DNAH6: variants seen among roughly 807,000 people sequenced by gnomAD.
The protein encoded by DNAH6 is axonemal beta dynein heavy chain 6.
Under a neutral mutation model 491.4 loss-of-function variants are expected in DNAH6, and 340 were observed. The ratio of observed to expected loss-of-function variants is 0.69; its 90% CI spans 0.63 to 0.76. The LOEUF is 0.76. DNAH6 is among the 30% of genes least tolerant of loss of function. DNAH6 has a pLI of 0.00. For synonymous variants in DNAH6, 1,603 were observed against 1,686.1 expected (o/e 0.95, Z 1.21); for missense variants, 4,443 against 4,972.2 (o/e 0.89, Z 3.20).
chr2:84,772,198 A>C (rs549687330), intron 64 of DNAH6, among the ~76,000 whole-genome samples: 34 of 152,142 alleles, frequency 2.2e-4, no homozygotes, highest in Non-Finnish European at 4.4e-4. Context: ...CTATGAAAAC[A>C]ACTAAAAATA....
chr2:84,710,830 T>C (rs565293813), intron 56 of DNAH6, among the ~76,000 whole-genome samples: 79 of 151,924 alleles, frequency 5.2e-4, no homozygotes, highest in African/African-American at 1.7e-3. Flanking sequence ...TTAAGTGAAT[T>C]AGATAAGAAT....
intron 63 of DNAH6, among the ~76,000 whole-genome samples, chr2:84,753,769 A>AAAAAAAAAAAAAAAAAAAAAAAAAT (rs1310144113): frequency 6.6e-6 from 1 of 150,980 alleles, no homozygotes; most frequent in Non-Finnish European, 1.5e-5. Context: ...AAAAAAAAAA[A>AAAAAAAAAAAAAAAAAAAAAAAAAT]AAAAAAAAAA....
intron 5 of DNAH6, among the ~76,000 whole-genome samples, chr2:84,546,077 G>A (rs1472566450): frequency 6.6e-6 from 1 of 151,948 alleles, no homozygotes; most frequent in East Asian, 1.9e-4. Flanking sequence ...ATTTCTTTCT[G>A]ACCTACCTGT....
intron 36 of DNAH6, 120 bp from the exon 37 acceptor site, chr2:84,658,906 T>C: frequency 1.7e-6 from 1 of 595,486 alleles, no homozygotes; most frequent in Non-Finnish European, 2.8e-6. Context: ...AAATATACAC[T>C]GTGCCCATTT....
intron 45 of DNAH6, among the ~76,000 whole-genome samples, chr2:84,690,116 T>C (rs1044450989): frequency 3.3e-5 from 5 of 152,126 alleles, no homozygotes; most frequent in African/African-American, 1.2e-4. Flanking sequence ...ACAGTGAGAG[T>C]AGGATTTCCC....
Position 84,814,106 on chromosome 2 carries a change from T to A in DNAH6, c.12134T>A (p.Leu4045Gln). 6.4e-7 allele frequency: 1 copy of A among 1,551,640 alleles called. No homozygotes were observed. The highest frequency in any genetic ancestry group is 8.7e-7 in the Non-Finnish European group (1 of 1,146,960). ...AAKTVQFGQELPMDMELPSPE... is the reference protein window; with the variant it reads ...AAKTVQFGQEQPMDMELPSPE... ...AAGACAGTGCAATTTGGACAAGAACTGCCCATGGACATGGAGGTATTGTCC... is the reference window on the plus strand; with the variant it reads ...AAGACAGTGCAATTTGGACAAGAACAGCCCATGGACATGGAGGTATTGTCC... The change falls in exon 75 of 77, where the codon CTG becomes CAG. Residue 4045 changes from leucine (L) to glutamine (Q), a missense_variant. By Grantham distance (113) the Leu-to-Gln change is moderately radical. Transcript: ENST00000389394.
the DNAH6 span, among the ~76,000 whole-genome samples, chr2:84,472,235 TATG>T: frequency 6.6e-6 from 1 of 151,808 alleles, no homozygotes; most frequent in Non-Finnish European, 1.5e-5. Context: ...GTTTTGAAAG[TATG>T]ATTAGCTCTT....
intron 72 of DNAH6, among the ~76,000 whole-genome samples, chr2:84,809,320 G>A (rs1208956218): frequency 6.6e-6 from 1 of 152,202 alleles, no homozygotes; most frequent in African/African-American, 2.4e-5. Flanking sequence ...GATTGGGGGA[G>A]AACTGGGAGA....
rs749880522 is a variant in DNAH6, at chr2:84,584,168, G to A, written c.2399G>A (p.Ser800Asn). 1.3e-5 allele frequency: 21 copies of A among 1,614,142 alleles called. No homozygotes were observed. The highest frequency in any genetic ancestry group is 3.3e-5 in the Admixed American group (2 of 60,026). Reference sequence around the variant, plus strand: ...AAATCAGTGGGTGATAGAGAATCAAGCATTAAGCAATTTTGTGTGCATTTG... The same window carrying A: ...AAATCAGTGGGTGATAGAGAATCAAACATTAAGCAATTTTGTGTGCATTTG... ...IDKSVGDRES[S>N]IKQFCVHLGS... The change falls in exon 15 of 77, where the codon AGC (serine) becomes AAC (asparagine). Residue 800 changes from serine to asparagine, a missense_variant. By Grantham distance (46) the Ser-to-Asn change is conservative (BLOSUM62 1). Coordinates refer to ENST00000389394, the MANE Select transcript of DNAH6 (RefSeq NM_001370.2).
intron 9 of DNAH6, 69 bp downstream of exon 9, chr2:84,550,126 T>A: frequency 8.1e-7 from 1 of 1,236,224 alleles, no homozygotes; most frequent in South Asian, 1.5e-5. Context: ...CTACGCTCTA[T>A]GAATTATGCT....
intron 56 of DNAH6, among the ~76,000 whole-genome samples, chr2:84,710,746 A>G (rs72832547): frequency 0.029 from 4,435 of 152,308 alleles, 100 homozygotes; most frequent in Non-Finnish European, 0.043. Context: ...TACATACAAT[A>G]ATGATGCGAA....
At chr2:84,500,243 T>C in the DNAH6 span, among the ~76,000 whole-genome samples, 8 of 152,346 alleles carry the variant, frequency 5.3e-5, no homozygotes, top group Non-Finnish European at 1.0e-4. Context: ...CTCATTATTC[T>C]GCATATGAAT....
chr2:84,699,080 G>C (rs766186831), intron 47 of DNAH6, among the ~76,000 whole-genome samples: 5 of 152,064 alleles, frequency 3.3e-5, no homozygotes, highest in Non-Finnish European at 7.4e-5. Context: ...ATTGGATACT[G>C]TGCTTACTTC....
intron 33 of DNAH6, among the ~76,000 whole-genome samples, chr2:84,651,548 G>T (rs1690455939): frequency 6.6e-6 from 1 of 151,892 alleles, no homozygotes. Context: ...CCTTTCCTGG[G>T]CTGCCCCTTT....
chr2:84,727,295 A>AATATCAC, intron 60 of DNAH6, among the ~76,000 whole-genome samples: 2 of 152,252 alleles, frequency 1.3e-5, no homozygotes. Flanking sequence ...GTAGAAAACA[A>AATATCAC]ATATCACATA....
intron 70 of DNAH6, among the ~76,000 whole-genome samples, chr2:84,802,536 G>A (rs538302616): frequency 1.3e-5 from 2 of 152,052 alleles, no homozygotes; most frequent in East Asian, 3.9e-4. Context: ...CAACATTGGA[G>A]CACTCAGATT....
Position 84,760,762 on chromosome 2 carries a change from T to C in DNAH6, c.10513-1993T>C, listed in dbSNP as rs182320603. Among the ~76,000 whole-genome samples, 250 of 152,272 alleles carry C rather than the reference T, an allele frequency of 1.6e-3. 2 individuals are homozygous for C. Among genetic ancestry groups the C allele is most frequent in the Admixed American group, 3.4e-3 (52 of 15,282 alleles). On this transcript the variant is annotated intron_variant, in intron 63 of 76. Transcript: ENST00000389394. ...AAAACAGTATTTAAAAAAATTTTTT[T>C]TGAGGCATGATCTCACTCTGTCACC...
At chr2:84,767,920 C>T (rs1675243306) in intron 64 of DNAH6, among the ~76,000 whole-genome samples, 1 of 152,062 alleles carries the variant, frequency 6.6e-6, no homozygotes, top group Non-Finnish European at 1.5e-5. Flanking sequence ...TTCAAAGATG[C>T]AACAAATATG....
chr2:84,770,189 A>T (rs1222855578), intron 64 of DNAH6, among the ~76,000 whole-genome samples: 13 of 152,366 alleles, frequency 8.5e-5, no homozygotes, highest in African/African-American at 2.6e-4. Context: ...AAATTAGTTT[A>T]TAAAAGTCTT....
Sources: allele counts gnomAD v4.1 joint callset (sites outside exome capture counted in the v4.1 genomes callset), GRCh38; gene constraint gnomAD v4.1.1; transcripts MANE v1.5; gene names NCBI Gene and HGNC (gene_info 2026-07-23, HGNC 2026-07-21).